CSRNP3: variants seen among roughly 807,000 people sequenced by gnomAD.
CSRNP3 encodes cysteine/serine-rich nuclear protein 3.
Under a neutral mutation model 48.0 loss-of-function variants are expected in CSRNP3, and 12 were observed. The ratio of observed to expected loss-of-function variants is 0.25; its 90% confidence interval spans 0.16 to 0.41. The LOEUF (loss-of-function observed/expected upper bound fraction) is 0.41. CSRNP3 is among the 10% of genes least tolerant of loss of function. The probability of loss-of-function intolerance (pLI) is 1.00; values close to 1 mark genes in which losing one functional copy is unlikely to be tolerated. For synonymous variants in CSRNP3, 263 were observed against 269.7 expected (o/e 0.98, Z 0.24); for missense variants, 580 against 724.4 (o/e 0.80, Z 2.29).
intron 5 of CSRNP3, among the ~76,000 whole-genome samples, chr2:165,666,692 T>A (rs201622739): frequency 4.5e-4 from 11 of 24,260 alleles, no homozygotes; most frequent in African/African-American, 1.5e-3. Context: ...AGAGTGGTGT[T>A]AAGAGAGAGA....
At chr2:165,676,289 T>C (rs1444713647) in intron 5 of CSRNP3, 23 bp from the exon 6 acceptor site, 4 of 1,605,548 alleles carry the variant, frequency 2.5e-6, no homozygotes, top group Non-Finnish European at 3.4e-6. Flanking sequence ...ATGAGTCTCT[T>C]ATTTGCTGCT....
At chr2:165,612,497 G>A (rs1309478670) in intron 4 of CSRNP3, among the ~76,000 whole-genome samples, 2 of 151,724 alleles carry the variant, frequency 1.3e-5, no homozygotes, top group Non-Finnish European at 2.9e-5. Context: ...ACCCTACAGG[G>A]GCCACAGAAC....
intron 4 of CSRNP3, among the ~76,000 whole-genome samples, chr2:165,614,290 G>A (rs536655110): frequency 2.6e-5 from 4 of 152,044 alleles, no homozygotes; most frequent in Middle Eastern, 6.8e-3. Context: ...TGTATCCTGC[G>A]ACTTTACTCT....
intron 4 of CSRNP3, among the ~76,000 whole-genome samples, chr2:165,657,527 T>A (rs1392042502): frequency 1.3e-5 from 2 of 152,202 alleles, no homozygotes; most frequent in African/African-American, 4.8e-5. Flanking sequence ...ATCATTATAC[T>A]TAAAAGCACA....
chr2:165,633,118 A>G (rs1686566650), intron 4 of CSRNP3, among the ~76,000 whole-genome samples: 1 of 152,232 alleles, frequency 6.6e-6, no homozygotes, highest in African/African-American at 2.4e-5. Context: ...AATATCTCTT[A>G]AAACATTCAT....
At position 165,686,107 on chromosome 2, in the gene CSRNP3, A is replaced by G. The variant is rs1301339054; in HGVS notation, c.*6354A>G. Reference sequence around the variant, plus strand: ...TTCCTTTCTCTTTTGGTTTTCTCCCAATATTTTTATCTGTCTTGGGATTAT... The same window carrying G: ...TTCCTTTCTCTTTTGGTTTTCTCCCGATATTTTTATCTGTCTTGGGATTAT... On this transcript the variant is annotated 3_prime_UTR_variant, in exon 7 of 7. Coordinates refer to ENST00000651982, the MANE Select transcript of CSRNP3 (RefSeq NM_001172173.2). The G allele has an allele frequency of 2.6e-5, 4 of 152,040 alleles. No individual in the cohort carries two copies. The highest frequency in any genetic ancestry group is 2.6e-4 in the Admixed American group (4 of 15,232). 9.4% of individuals were successfully genotyped at this position (152,040 alleles called of 1,614,324 possible). A position where few individuals can be genotyped will look rare whatever the true frequency, so the allele number is the denominator to read the frequency against.
intron 3 of CSRNP3, among the ~76,000 whole-genome samples, chr2:165,569,997 A>G (rs1685347376): frequency 6.6e-6 from 1 of 152,038 alleles, no homozygotes; most frequent in African/African-American, 2.4e-5. Flanking sequence ...AGCAATCATT[A>G]GATTTTATAT....
chr2:165,540,768 A>C (rs1039760338), intron 3 of CSRNP3, among the ~76,000 whole-genome samples: 1 of 152,056 alleles, frequency 6.6e-6, no homozygotes, highest in African/African-American at 2.4e-5. Flanking sequence ...TCTGGGTTCT[A>C]GTGACCTAGA....
At chr2:165,586,913 C>T (rs1358780869) in intron 3 of CSRNP3, among the ~76,000 whole-genome samples, 1 of 152,198 alleles carries the variant, frequency 6.6e-6, no homozygotes, top group Non-Finnish European at 1.5e-5. Context: ...ATCAAACCCT[C>T]CACCTAATAT....
Position 165,657,742 on chromosome 2 carries a change from T to G in CSRNP3, c.149-19T>G, listed in dbSNP as rs777153783. ...ACTGCTGCCCCAAGTGTTCACAGGA[T>G]TGTTTCTTTCTCTTTCAGCTTCCTC... On this transcript the variant is annotated intron_variant, in intron 4 of 6. Transcript: ENST00000651982. 1 of 1,610,898 alleles carries G rather than the reference T, an allele frequency of 6.2e-7. No homozygotes were observed.
At chr2:165,520,354 C>T (rs1341644421) in intron 3 of CSRNP3, among the ~76,000 whole-genome samples, 1 of 152,110 alleles carries the variant, frequency 6.6e-6, no homozygotes, top group Admixed American at 6.5e-5. Context: ...TAGTTTAGAA[C>T]TCATCATATA....
At chr2:165,542,581 A>G (rs1289820443) in intron 3 of CSRNP3, among the ~76,000 whole-genome samples, 1 of 152,176 alleles carries the variant, frequency 6.6e-6, no homozygotes, top group East Asian at 1.9e-4. Flanking sequence ...GCATAATATT[A>G]TACTGTATGG....
chr2:165,629,956 T>A (rs1374556081), intron 4 of CSRNP3, among the ~76,000 whole-genome samples: 1 of 152,186 alleles, frequency 6.6e-6, no homozygotes, highest in Non-Finnish European at 1.5e-5. Context: ...CCAAGCTGAT[T>A]TCCTGTGGTT....
chr2:165,496,553 G>A (rs1404535016), intron 2 of CSRNP3, among the ~76,000 whole-genome samples: 1 of 152,004 alleles, frequency 6.6e-6, no homozygotes, highest in African/African-American at 2.4e-5. Context: ...ACAAGCAATA[G>A]TACATATTTA....
intron 4 of CSRNP3, among the ~76,000 whole-genome samples, chr2:165,650,076 C>A (rs892928837): frequency 2.0e-5 from 3 of 152,008 alleles, no homozygotes; most frequent in Non-Finnish European, 2.9e-5. Flanking sequence ...AAAATAGTCC[C>A]AATTAGTCTT....
At chr2:165,472,491 C>CA (rs985784889) in intron 1 of CSRNP3, among the ~76,000 whole-genome samples, 19 of 150,810 alleles carry the variant, frequency 1.3e-4, no homozygotes, top group Non-Finnish European at 1.3e-4. Context: ...TTTCTCTATA[C>CA]AAAAAAAAAT....
At chr2:165,599,311 AAG>A (rs1277876072) in intron 4 of CSRNP3, among the ~76,000 whole-genome samples, 5 of 150,922 alleles carry the variant, frequency 3.3e-5, no homozygotes, top group Non-Finnish European at 7.4e-5. Flanking sequence ...GAAAGAAAGA[AAG>A]AAAGAAAGAA....
rs1449072840 is a variant in CSRNP3, at chr2:165,640,986, T to A, written c.149-16775T>A. On this transcript the variant is annotated intron_variant, in intron 4 of 6. Transcript: ENST00000651982. Reference sequence around the variant, plus strand: ...CCTTGACACATGGTAAGCATACAAATAAAACATCACTAATAGAAGCAACAC... The same window carrying A: ...CCTTGACACATGGTAAGCATACAAAAAAAACATCACTAATAGAAGCAACAC... Among the ~76,000 whole-genome samples the A allele has an allele frequency of 2.6e-5, 4 of 152,318 alleles. No homozygotes were observed. In the East Asian group the frequency reaches 7.7e-4, roughly 29 times the overall value.
intron 3 of CSRNP3, among the ~76,000 whole-genome samples, chr2:165,552,167 C>G (rs923750023): frequency 2.0e-5 from 3 of 152,168 alleles, no homozygotes; most frequent in Non-Finnish European, 4.4e-5. Flanking sequence ...CAGTGTGGCT[C>G]AAGTGGAAAT....
Sources: gnomAD v4.1 joint callset for allele counts (sites outside exome capture counted in the v4.1 genomes callset) on GRCh38, gnomAD v4.1.1 for gene constraint, MANE v1.5 for transcripts, NCBI Gene and HGNC (gene_info 2026-07-23, HGNC 2026-07-21) for gene names.